The following RIMS2 variants were observed in gnomAD, a reference collection of about 807,000 sequenced individuals.
The protein encoded by RIMS2 is regulating synaptic membrane exocytosis protein 2.
RIMS2 carries 59 observed loss-of-function variants against 174.4 expected under a neutral mutation model. The ratio of observed to expected loss-of-function variants is 0.34; its 90% CI spans 0.27 to 0.42. The LOEUF is 0.42. Ranked by LOEUF, RIMS2 falls within the 10% of genes least tolerant of loss-of-function variation. The probability of loss-of-function intolerance (pLI) is 1.00; values close to 1 mark genes in which losing one functional copy is unlikely to be tolerated. For synonymous variants in RIMS2, 606 were observed against 572.5 expected, an observed-to-expected ratio of 1.06 and a Z score of -0.84; for missense variants, 1,620 against 1,666.3, an observed-to-expected ratio of 0.97 and a Z score of 0.48.
intron 1 of RIMS2, among the ~76,000 whole-genome samples, chr8:103,563,618 C>T (rs991104417): frequency 2.0e-5 from 3 of 152,192 alleles, no homozygotes; most frequent in Non-Finnish European, 4.4e-5. Flanking sequence ...GTTCCAACCT[C>T]TGCCTGTTAC....
intron 19 of RIMS2, among the ~76,000 whole-genome samples, chr8:104,151,701 T>A (rs903628851): frequency 1.3e-5 from 2 of 152,198 alleles, no homozygotes; most frequent in African/African-American, 2.4e-5. Flanking sequence ...AACATTTAAA[T>A]AAACACTTTT....
intron 19 of RIMS2, among the ~76,000 whole-genome samples, chr8:104,208,869 A>T (rs908034822): frequency 6.6e-6 from 1 of 152,238 alleles, no homozygotes; most frequent in African/African-American, 2.4e-5. Flanking sequence ...CCGAAATTCC[A>T]TGAACTTGAC....
intron 19 of RIMS2, among the ~76,000 whole-genome samples, chr8:104,153,497 G>T (rs752888345): frequency 5.9e-5 from 9 of 152,108 alleles, no homozygotes; most frequent in Non-Finnish European, 1.0e-4. Context: ...CCTCATAGGG[G>T]AATCAAGAGT....
At chr8:103,833,593 A>G (rs2098839351) in intron 3 of RIMS2, among the ~76,000 whole-genome samples, 1 of 151,836 alleles carries the variant, frequency 6.6e-6, no homozygotes, top group Admixed American at 6.6e-5. Flanking sequence ...TTAATTTTAA[A>G]TTTTATTGAT....
intron 19 of RIMS2, among the ~76,000 whole-genome samples, chr8:104,154,364 A>G (rs1484566494): frequency 1.3e-5 from 2 of 152,230 alleles, no homozygotes; most frequent in Non-Finnish European, 2.9e-5. Flanking sequence ...TGTCCTGTAC[A>G]ATATGGTAGC....
rs373827821 is a variant in RIMS2 at position 103,836,983 on chromosome 8, CTT to C, written c.699-48312_699-48311del. 3.6e-4 allele frequency among the ~76,000 whole-genome samples: 55 copies of C among 152,296 alleles called. No individual in the cohort carries two copies. The East Asian group carries it at 9.4e-3, about 26-fold the overall frequency. On this transcript the variant is annotated intron_variant, in intron 3 of 23. Transcript: ENST00000504942. ...TGTTCACCTGCATGAGCATATGAAT[CTT>C]TTAATTTTCTCTACGTATTTTTTAT...
At chr8:103,549,039 A>G (rs1846378372) in intron 1 of RIMS2, among the ~76,000 whole-genome samples, 1 of 152,188 alleles carries the variant, frequency 6.6e-6, no homozygotes, top group South Asian at 2.1e-4. Context: ...CAAATGGAAA[A>G]ACATTCTGTG....
intron 17 of RIMS2, among the ~76,000 whole-genome samples, chr8:103,992,274 A>ATTTTTTTTTTTTTTTT (rs1186537194): frequency 3.0e-3 from 322 of 107,032 alleles, no homozygotes; most frequent in Middle Eastern, 7.6e-3. Flanking sequence ...ATGTCCAGCT[A>ATTTTTTTTTTTTTTTT]TTTTTTTTTT....
At chr8:103,945,250 G>C (rs922805746) in intron 14 of RIMS2, among the ~76,000 whole-genome samples, 2 of 151,950 alleles carry the variant, frequency 1.3e-5, no homozygotes, top group African/African-American at 4.8e-5. Flanking sequence ...TCCATAAAAA[G>C]CTAAAAATCT....
intron 2 of RIMS2, among the ~76,000 whole-genome samples, chr8:103,700,863 T>C (rs2097159136): frequency 6.6e-6 from 1 of 152,098 alleles, no homozygotes; most frequent in Non-Finnish European, 1.5e-5. Context: ...TCAACTGATA[T>C]TACACTATTT....
intron 19 of RIMS2, among the ~76,000 whole-genome samples, chr8:104,033,151 A>G (rs1457270128): frequency 6.6e-6 from 1 of 152,016 alleles, no homozygotes; most frequent in Non-Finnish European, 1.5e-5. Context: ...TGGAATTCAC[A>G]TTGGGAATTT....
intron 1 of RIMS2, among the ~76,000 whole-genome samples, chr8:103,587,534 G>T (rs914273088): frequency 2.0e-5 from 3 of 151,822 alleles, no homozygotes; most frequent in Non-Finnish European, 4.4e-5. Flanking sequence ...CTAGCAAACT[G>T]AATTCAGCAA....
intron 1 of RIMS2, among the ~76,000 whole-genome samples, chr8:103,613,282 C>T (rs1030654190): frequency 6.6e-6 from 1 of 152,218 alleles, no homozygotes; most frequent in Admixed American, 6.5e-5. Flanking sequence ...ACTCTCCCAT[C>T]TCCCTTCAAT....
exon 16 of RIMS2, chr8:103,975,381 C>T (rs759739394): frequency 1.9e-6 from 3 of 1,612,662 alleles, no homozygotes; most frequent in East Asian, 4.5e-5. Flanking sequence ...ATCTTCAAAG[C>T]TCAACATTAT....
At chr8:103,907,280 C>T (rs1172040478) in intron 4 of RIMS2, among the ~76,000 whole-genome samples, 1 of 152,180 alleles carries the variant, frequency 6.6e-6, no homozygotes, top group Non-Finnish European at 1.5e-5. Context: ...TTACACACAA[C>T]TTTTTCTACT....
At chr8:104,115,676 A>C (rs1006422614) in intron 19 of RIMS2, among the ~76,000 whole-genome samples, 1 of 152,086 alleles carries the variant, frequency 6.6e-6, no homozygotes, top group African/African-American at 2.4e-5. Flanking sequence ...TGGACTGGGG[A>C]ACTCAAACTT....
chr8:103,776,879 T>A (rs1171445921), intron 3 of RIMS2, among the ~76,000 whole-genome samples: 3 of 152,158 alleles, frequency 2.0e-5, no homozygotes, highest in Non-Finnish European at 4.4e-5. Flanking sequence ...TTTTTAATTT[T>A]AGTCAATTTC....
chr8:103,894,747 T>A (rs962256885), intron 4 of RIMS2, among the ~76,000 whole-genome samples: 1 of 151,588 alleles, frequency 6.6e-6, no homozygotes, highest in Non-Finnish European at 1.5e-5. Flanking sequence ...TATTTTAAGT[T>A]TCATCAATAA....
At chr8:103,736,392 C>A (rs1176829976) in intron 2 of RIMS2, among the ~76,000 whole-genome samples, 1 of 152,118 alleles carries the variant, frequency 6.6e-6, no homozygotes, top group Non-Finnish European at 1.5e-5. Context: ...TCCATTTTGC[C>A]ACTTGTATGA....
Sources: gnomAD v4.1 joint callset for allele counts (sites outside exome capture counted in the v4.1 genomes callset) on GRCh38, gnomAD v4.1.1 for gene constraint, MANE v1.5 for transcripts, NCBI Gene and HGNC (gene_info 2026-07-23, HGNC 2026-07-21) for gene names.